The following TRPM8 variants were observed in gnomAD, a reference collection of about 807,000 sequenced individuals.
The protein encoded by TRPM8 is TRPM8 cationic channel.
TRPM8 carries 110 observed loss-of-function variants against 133.7 expected under a neutral mutation model. The ratio of observed to expected loss-of-function variants is 0.82; its 90% CI spans 0.70 to 0.96. The LOEUF (loss-of-function observed/expected upper bound fraction) is 0.96, where lower values mean the gene tolerates loss of function less well. Ranked by LOEUF, TRPM8 falls within the 40% of genes least tolerant of loss-of-function variation. The probability of loss-of-function intolerance (pLI) is 0.00; values close to 1 mark genes in which losing one functional copy is unlikely to be tolerated. For synonymous variants in TRPM8, 535 were observed against 532.3 expected, an observed-to-expected ratio of 1.01 and a Z score of -0.07; for missense variants, 1,291 against 1,379.5, an observed-to-expected ratio of 0.94 and a Z score of 1.02.
At chr2:234,000,927 C>T (rs893020061) in intron 22 of TRPM8, among the ~76,000 whole-genome samples, 2 of 152,206 alleles carry the variant, frequency 1.3e-5, no homozygotes, top group African/African-American at 4.8e-5. Flanking sequence ...ATCCGCCCAC[C>T]TCAGCCTCCT....
chr2:233,922,365 G>A (rs180926953), intron 1 of TRPM8, among the ~76,000 whole-genome samples: 1 of 152,200 alleles, frequency 6.6e-6, no homozygotes, highest in Non-Finnish European at 1.5e-5. Context: ...TGCCCCCTGA[G>A]GACCTTGGAA....
At chr2:233,965,438 C>G (rs28902178) in intron 14 of TRPM8, among the ~76,000 whole-genome samples, 1 of 152,166 alleles carries the variant, frequency 6.6e-6, no homozygotes, top group Non-Finnish European at 1.5e-5. Context: ...ATTCAGTCCT[C>G]GAACAAAGCT....
intron 9 of TRPM8, among the ~76,000 whole-genome samples, chr2:233,952,644 T>C (rs1691196597): frequency 1.3e-5 from 2 of 151,382 alleles, no homozygotes; most frequent in African/African-American, 4.9e-5. Flanking sequence ...TAATGGGATA[T>C]CATTAAAAGG....
At chr2:233,927,924 T>C (rs7421125) in intron 2 of TRPM8, among the ~76,000 whole-genome samples, 1,336 of 27,358 alleles carry the variant, frequency 0.049, 78 homozygotes, top group East Asian at 0.11. Context: ...CTCTCTCTCT[T>C]TCTCTCTCTC....
At position 234,008,109 on chromosome 2, in the gene TRPM8, G is replaced by T; in HGVS notation, c.3264+6G>T. ...TTAGACAACTGGATACAAAGGTATG[G>T]TTCTGTTAATAGTTTGGATTTTTTT... On this transcript the variant is annotated splice_donor_region_variant and intron_variant, in intron 24 of 25. Coordinates refer to ENST00000324695, the MANE Select transcript of TRPM8 (RefSeq NM_024080.5). 1 of 1,593,216 alleles carries T rather than the reference G, an allele frequency of 6.3e-7. No homozygotes were observed. Among genetic ancestry groups the T allele is most frequent in the Non-Finnish European group, 8.5e-7 (1 of 1,174,452 alleles).
chr2:233,963,426 A>G (rs768216399), intron 13 of TRPM8, 49 bp downstream of exon 13: 2 of 1,195,852 alleles, frequency 1.7e-6, no homozygotes, highest in Admixed American at 1.9e-5. Flanking sequence ...ATGCTTTGTT[A>G]TAACAGTTCT....
chr2:233,923,595 C>T, intron 1 of TRPM8, among the ~76,000 whole-genome samples: 1 of 152,206 alleles, frequency 6.6e-6, no homozygotes, highest in Non-Finnish European at 1.5e-5. Context: ...AGCACATCCT[C>T]TGGTTTGACA....
chr2:233,918,678 T>A (rs569618536), intron 1 of TRPM8, among the ~76,000 whole-genome samples: 163 of 152,288 alleles, frequency 1.1e-3, no homozygotes, highest in African/African-American at 3.7e-3. Flanking sequence ...ATTTGGCTGA[T>A]AGAGGCAATT....
At chr2:234,007,283 A>C (rs1181198996) in intron 23 of TRPM8, among the ~76,000 whole-genome samples, 1 of 152,208 alleles carries the variant, frequency 6.6e-6, no homozygotes, top group Non-Finnish European at 1.5e-5. Flanking sequence ...GGTTCTGGCA[A>C]GACTCACAGG....
chr2:233,959,220 T>C (rs1218500592), intron 11 of TRPM8, among the ~76,000 whole-genome samples: 1 of 151,956 alleles, frequency 6.6e-6, no homozygotes, highest in Non-Finnish European at 1.5e-5. Flanking sequence ...GAGACGAGGT[T>C]TTACCATGTT....
At chr2:233,942,798 A>G (rs1297064849) in intron 6 of TRPM8, 50 bp downstream of exon 6, 2 of 1,607,622 alleles carry the variant, frequency 1.2e-6, no homozygotes, top group Non-Finnish European at 1.7e-6. Flanking sequence ...AAGAAAGACC[A>G]TGGCATGGGC....
intron 21 of TRPM8, among the ~76,000 whole-genome samples, chr2:233,987,358 C>A (rs1410415986): frequency 6.6e-6 from 1 of 152,184 alleles, no homozygotes; most frequent in Non-Finnish European, 1.5e-5. Context: ...ATATATACTT[C>A]TCTGGTTACA....
intron 9 of TRPM8, among the ~76,000 whole-genome samples, chr2:233,953,045 G>A (rs1231128219): frequency 6.6e-6 from 1 of 152,006 alleles, no homozygotes; most frequent in Non-Finnish European, 1.5e-5. Flanking sequence ...AAATCTCCAT[G>A]TTTTGTCTTT....
At chr2:233,949,312 A>G (rs911483187) in intron 8 of TRPM8, among the ~76,000 whole-genome samples, 1 of 152,192 alleles carries the variant, frequency 6.6e-6, no homozygotes, top group African/African-American at 2.4e-5. Context: ...AGATCACTAT[A>G]TCTTGCTGTC....
intron 22 of TRPM8, among the ~76,000 whole-genome samples, chr2:234,002,171 G>C (rs1036723210): frequency 3.9e-5 from 6 of 151,900 alleles, no homozygotes; most frequent in African/African-American, 1.5e-4. Context: ...AGATGAATTG[G>C]AATTAGCCAA....
At chr2:233,975,375 A>G (rs1691843419) in intron 17 of TRPM8, among the ~76,000 whole-genome samples, 1 of 152,190 alleles carries the variant, frequency 6.6e-6, no homozygotes, top group African/African-American at 2.4e-5. Context: ...CCCCACAGCC[A>G]GGAGCTCAAG....
chr2:233,971,524 G>A (rs933364233), intron 17 of TRPM8, among the ~76,000 whole-genome samples: 1 of 152,156 alleles, frequency 6.6e-6, no homozygotes, highest in Non-Finnish European at 1.5e-5. Context: ...ATGGGGAATG[G>A]AGCTGGGATG....
intron 10 of TRPM8, among the ~76,000 whole-genome samples, chr2:233,954,509 T>C (rs1691245287): frequency 6.6e-6 from 1 of 152,226 alleles, no homozygotes; most frequent in Admixed American, 6.5e-5. Context: ...GCTTTAGAAT[T>C]CCGTAAAGTG....
At position 233,970,254 on chromosome 2, in the gene TRPM8, T is replaced by C. The variant is rs199676608; in HGVS notation, c.2183T>C (p.Val728Ala). The C allele has an allele frequency of 7.4e-6, 12 of 1,614,212 alleles. No individual in the cohort carries two copies. The highest frequency in any genetic ancestry group is 1.0e-5 in the Non-Finnish European group (12 of 1,180,052). The stretch of plus-strand genomic sequence containing the variant: ...CACAAGAAGCTGCTTTGGTACTATG[T>C]GGCGTTCTTCACCTCCCCCTTCGTG... ...DKHKKLLWYY[V>A]AFFTSPFVVF... The change falls in exon 17 of 26, where the codon GTG (valine) becomes GCG (alanine). Residue 728 changes from valine (V) to alanine (A), a missense_variant. Val to Ala is a moderately conservative substitution (Grantham distance 64). This residue lies in a region of TRPM8 where 963 missense variants were observed against 968.9 expected (regional missense o/e 0.99). Transcript: ENST00000324695.
Sources: allele counts gnomAD v4.1 joint callset (sites outside exome capture counted in the v4.1 genomes callset), GRCh38; gene constraint gnomAD v4.1.1; regional missense constraint gnomAD v4.1.1; transcripts MANE v1.5; gene names NCBI Gene and HGNC (gene_info 2026-07-23, HGNC 2026-07-21).